Variants in AOPEP observed in about 807,000 individuals in gnomAD.
AOPEP encodes aminopeptidase O (putative), also known as aminopeptidase O.
Under a neutral mutation model 98.1 loss-of-function variants are expected in AOPEP, and 77 were observed. The ratio of observed to expected loss-of-function variants is 0.78; its 90% CI spans 0.65 to 0.95. AOPEP has a LOEUF of 0.95. Among genes scored for constraint, AOPEP ranks in the 40% least tolerant of loss-of-function variants. AOPEP has a pLI of 0.00. For synonymous variants in AOPEP, 346 were observed against 365.3 expected (o/e 0.95, Z 0.60); for missense variants, 1,024 against 1,024.7 (o/e 1.00, Z 0.01).
intron 16 of AOPEP, 155 bp downstream of exon 16, chr9:95,082,874 G>C: frequency 1.2e-6 from 1 of 822,630 alleles, no homozygotes; most frequent in Non-Finnish European, 1.9e-6. Flanking sequence ...TGGCCAAGTG[G>C]GTGCTGGGCT....
At chr9:94,999,938 C>T (rs1564502512) in intron 11 of AOPEP, among the ~76,000 whole-genome samples, 4 of 152,252 alleles carry the variant, frequency 2.6e-5, no homozygotes, top group African/African-American at 7.2e-5. Context: ...TCTCTGTAAA[C>T]GTTTTTAGCA....
intron 5 of AOPEP, among the ~76,000 whole-genome samples, chr9:94,846,681 G>A (rs1198330095): frequency 6.6e-6 from 1 of 152,182 alleles, no homozygotes; most frequent in African/African-American, 2.4e-5. Context: ...CGAGGTGGTG[G>A]GAGGATTGCT....
chr9:94,899,179 CTT>C (rs1164742981), intron 5 of AOPEP, among the ~76,000 whole-genome samples: 882 of 59,670 alleles, frequency 0.015, 2 homozygotes, highest in African/African-American at 0.043. Context: ...TCTTCATTTG[CTT>C]TTTTTTTTTT....
intron 6 of AOPEP, among the ~76,000 whole-genome samples, chr9:94,925,200 A>T (rs2054132334): frequency 6.6e-6 from 1 of 152,180 alleles, no homozygotes; most frequent in Admixed American, 6.5e-5. Flanking sequence ...CATATTGGCC[A>T]GTCTGGTCTC....
rs2051211961 is a variant in AOPEP, at chr9:94,906,786, G to C, written c.1365-17200G>C. Among the ~76,000 whole-genome samples, 3 of 152,224 alleles carry C rather than the reference G, an allele frequency of 2.0e-5. No homozygotes were observed. In the South Asian group the frequency reaches 6.2e-4, roughly 32 times the overall value. Reference sequence around the variant, plus strand: ...TAATGTATCCCAAGCCCCCAGGACAGAGCATGGCAATGTAGGCTCTCAGTT... The same window carrying C: ...TAATGTATCCCAAGCCCCCAGGACACAGCATGGCAATGTAGGCTCTCAGTT... On this transcript the variant is annotated intron_variant, in intron 5 of 16. Transcript: ENST00000375315.
intron 13 of AOPEP, among the ~76,000 whole-genome samples, chr9:95,050,007 A>G (rs2066202535): frequency 6.6e-6 from 1 of 152,250 alleles, no homozygotes; most frequent in South Asian, 2.1e-4. Context: ...TGGAACTCAC[A>G]GTAGAACTAA....
chr9:94,866,020 A>G (rs2045666757), intron 5 of AOPEP, among the ~76,000 whole-genome samples: 1 of 152,228 alleles, frequency 6.6e-6, no homozygotes, highest in African/African-American at 2.4e-5. Flanking sequence ...ATCATTGTGA[A>G]AATTAGAAAC....
At position 94,919,431 on chromosome 9, in the gene AOPEP, C is replaced by T. The variant is rs200727446; in HGVS notation, c.1365-4555C>T. Among the ~76,000 whole-genome samples, 19 of 152,280 alleles carry T rather than the reference C, an allele frequency of 1.2e-4. No individual in the cohort carries two copies. The East Asian group carries it at 2.7e-3, about 22-fold the overall frequency. ...AGATGCTGATTCCCTCCCACGCAGTCTCAGGGCCAGAGGGAAGGAGGGTCC... is the reference window on the plus strand; with the variant it reads ...AGATGCTGATTCCCTCCCACGCAGTTTCAGGGCCAGAGGGAAGGAGGGTCC... On this transcript the variant is annotated intron_variant, in intron 5 of 16. Coordinates refer to ENST00000375315, the MANE Select transcript of AOPEP (RefSeq NM_001193329.3).
At chr9:94,827,351 C>T (rs1854862680) in intron 5 of AOPEP, among the ~76,000 whole-genome samples, 1 of 152,134 alleles carries the variant, frequency 6.6e-6, no homozygotes, top group East Asian at 1.9e-4. Context: ...AGGCTTGGGT[C>T]ATAGGATTTG....
At chr9:95,118,409 C>T in the AOPEP span, among the ~76,000 whole-genome samples, 2 of 152,246 alleles carry the variant, frequency 1.3e-5, no homozygotes, top group African/African-American at 4.8e-5. Context: ...CCCCAAGGGG[C>T]ACAGAAGCTT....
At chr9:95,033,186 T>C (rs955334637) in intron 13 of AOPEP, among the ~76,000 whole-genome samples, 2 of 152,164 alleles carry the variant, frequency 1.3e-5, no homozygotes, top group African/African-American at 4.8e-5. Context: ...CAAACAGATA[T>C]AAGTCCGCTG....
At chr9:94,950,261 C>A (rs1320184913) in intron 7 of AOPEP, among the ~76,000 whole-genome samples, 3 of 152,186 alleles carry the variant, frequency 2.0e-5, no homozygotes, top group Non-Finnish European at 4.4e-5. Context: ...TCAGTCAGAA[C>A]ATAGTCGGAA....
At chr9:94,736,205 ATTTAGAGTCCC>A (rs1208247335) in intron 1 of AOPEP, among the ~76,000 whole-genome samples, 3 of 152,168 alleles carry the variant, frequency 2.0e-5, no homozygotes, top group Non-Finnish European at 1.5e-5. Context: ...TGGGGACTGG[ATTTAGAGTCCC>A]TTCTGTTCAT....
In AOPEP at chr9:94,770,424, A is replaced by G. The variant is rs55803034; in HGVS notation, c.798-2578A>G. ...AGCTTAGCCGGTGTCTCTTGCTCAA[A>G]ATATCTTGCAAGGTTACAGTCCAGC... is the stretch of plus-strand genomic sequence containing the variant. On this transcript the variant is annotated intron_variant, in intron 2 of 16. Transcript: ENST00000375315. 6.6e-3 allele frequency among the ~76,000 whole-genome samples: 1,008 copies of G among 152,260 alleles called. 7 individuals carry two copies. Among genetic ancestry groups the G allele is most frequent in the African/African-American group, 0.023 (970 of 41,538 alleles).
At chr9:94,922,912 C>G (rs1049844400) in intron 5 of AOPEP, among the ~76,000 whole-genome samples, 1 of 152,206 alleles carries the variant, frequency 6.6e-6, no homozygotes, top group Non-Finnish European at 1.5e-5. Context: ...GGGGTTTTCT[C>G]TAATGGTGGC....
chr9:94,895,706 A>G (rs1264366767), intron 5 of AOPEP, among the ~76,000 whole-genome samples: 3 of 152,044 alleles, frequency 2.0e-5, no homozygotes, highest in Non-Finnish European at 2.9e-5. Flanking sequence ...CTCATGCCTC[A>G]GCCTCTGGAG....
chr9:94,819,517 T>C (rs1004848604), intron 5 of AOPEP, among the ~76,000 whole-genome samples: 1 of 152,214 alleles, frequency 6.6e-6, no homozygotes, highest in Non-Finnish European at 1.5e-5. Flanking sequence ...CTGTGTGTCT[T>C]GGTTGAGATA....
At chr9:95,063,503 C>G (rs2067523596) in intron 14 of AOPEP, among the ~76,000 whole-genome samples, 1 of 152,156 alleles carries the variant, frequency 6.6e-6, no homozygotes, top group South Asian at 2.1e-4. Flanking sequence ...TTTCAGATCT[C>G]TGCAGACTCC....
downstream of AOPEP, among the ~76,000 whole-genome samples, chr9:95,089,849 C>T (rs377293562): frequency 6.6e-6 from 1 of 152,246 alleles, no homozygotes; most frequent in African/African-American, 2.4e-5. Context: ...TAGCTCCCCC[C>T]ACCCTGCAAC....
Sources: allele counts gnomAD v4.1 joint callset (sites outside exome capture counted in the v4.1 genomes callset), GRCh38; gene constraint gnomAD v4.1.1; transcripts MANE v1.5; gene names NCBI Gene and HGNC (gene_info 2026-07-23, HGNC 2026-07-21).